KHDRBS2: variants seen among roughly 807,000 people sequenced by gnomAD.
KHDRBS2 encodes KH domain-containing, RNA-binding, signal transduction-associated protein 2.
KHDRBS2 carries 26 observed loss-of-function variants against 44.3 expected under a neutral mutation model. That is an observed-to-expected ratio of 0.59 (90% CI 0.43 to 0.81). KHDRBS2 has a LOEUF of 0.81. Among genes scored for constraint, KHDRBS2 ranks in the 40% least tolerant of loss-of-function variants. The probability of loss-of-function intolerance (pLI) is 0.00; values close to 1 mark genes in which losing one functional copy is unlikely to be tolerated. For missense variants in KHDRBS2, 476 were observed against 433.1 expected (o/e 1.10, Z -0.88); for synonymous variants, 194 against 151.1 (o/e 1.28, Z -2.08).
the KHDRBS2 span, among the ~76,000 whole-genome samples, chr6:61,551,691 C>T: frequency 6.6e-6 from 1 of 152,090 alleles, no homozygotes; most frequent in African/African-American, 2.4e-5. Context: ...AGCATTATTT[C>T]TGGACTCTCT....
At chr6:62,098,828 C>T (rs371619060) in intron 2 of KHDRBS2, among the ~76,000 whole-genome samples, 44 of 152,110 alleles carry the variant, frequency 2.9e-4, no homozygotes, top group African/African-American at 1.0e-3. Context: ...TTTCTTCATT[C>T]CTTTATATTA....
chr6:62,223,758 C>A (rs1203906298), intron 1 of KHDRBS2, among the ~76,000 whole-genome samples: 4 of 152,276 alleles, frequency 2.6e-5, no homozygotes, highest in South Asian at 4.1e-4. Flanking sequence ...GAAAATGCCA[C>A]CAGTCTCTTT....
chr6:62,093,303 A>G (rs1029538324), intron 2 of KHDRBS2, among the ~76,000 whole-genome samples: 3 of 151,912 alleles, frequency 2.0e-5, no homozygotes, highest in African/African-American at 7.2e-5. Context: ...AATAAAATTT[A>G]TAGTTTCAAC....
At chr6:61,723,574 C>CAA (rs575590921) in intron 7 of KHDRBS2, among the ~76,000 whole-genome samples, 3 of 150,494 alleles carry the variant, frequency 2.0e-5, no homozygotes, top group Non-Finnish European at 4.4e-5. Flanking sequence ...AACAAACAAA[C>CAA]AAAAAAACAA....
At chr6:61,858,327 A>G (rs983766529) in intron 6 of KHDRBS2, among the ~76,000 whole-genome samples, 5 of 151,846 alleles carry the variant, frequency 3.3e-5, no homozygotes, top group African/African-American at 1.2e-4. Flanking sequence ...TTGAAGAGAT[A>G]TAATACTAGA....
chr6:61,586,375 A>T, the KHDRBS2 span, among the ~76,000 whole-genome samples: 74 of 152,188 alleles, frequency 4.9e-4, no homozygotes, highest in Non-Finnish European at 8.7e-4. Context: ...TATGAAACAG[A>T]TTGATTTTTG....
chr6:62,227,055 G>GA (rs1831992286), intron 1 of KHDRBS2, among the ~76,000 whole-genome samples: 1 of 152,030 alleles, frequency 6.6e-6, no homozygotes, highest in African/African-American at 2.4e-5. Context: ...CTAATTCTGT[G>GA]AAAAATGCCA....
chr6:61,970,125 T>C (rs1346854106), intron 4 of KHDRBS2, among the ~76,000 whole-genome samples: 3 of 152,014 alleles, frequency 2.0e-5, no homozygotes, highest in Admixed American at 6.6e-5. Context: ...TTGTCTTCTC[T>C]CTATATATGT....
At chr6:61,872,101 G>T (rs1315776467) in intron 6 of KHDRBS2, among the ~76,000 whole-genome samples, 2 of 152,050 alleles carry the variant, frequency 1.3e-5, no homozygotes, top group Non-Finnish European at 2.9e-5. Flanking sequence ...ATAAAAAAAA[G>T]AAAGAAAATA....
intron 4 of KHDRBS2, among the ~76,000 whole-genome samples, chr6:61,928,352 C>A (rs1809364749): frequency 1.3e-5 from 2 of 152,048 alleles, no homozygotes; most frequent in African/African-American, 4.8e-5. Context: ...CTTATTCCTT[C>A]TTCTTATTTA....
intron 6 of KHDRBS2, among the ~76,000 whole-genome samples, chr6:61,799,166 C>T (rs1259208841): frequency 2.0e-5 from 3 of 151,726 alleles, no homozygotes; most frequent in Non-Finnish European, 4.4e-5. Context: ...AAACATTATG[C>T]TTTTTTAAAA....
At chr6:61,578,058 G>A in the KHDRBS2 span, among the ~76,000 whole-genome samples, 48 of 152,168 alleles carry the variant, frequency 3.2e-4, no homozygotes, top group East Asian at 9.1e-3. Flanking sequence ...ATGTCTTGAA[G>A]GTAGAAGACA....
intron 4 of KHDRBS2, among the ~76,000 whole-genome samples, chr6:61,975,680 C>CACACACACACAG (rs148696826): frequency 0.025 from 3,693 of 149,792 alleles, 68 homozygotes; most frequent in South Asian, 0.04. Context: ...CACACACACA[C>CACACACACACAG]AGAGAGATAT....
the KHDRBS2 span, among the ~76,000 whole-genome samples, chr6:61,635,910 C>A: frequency 6.6e-6 from 1 of 152,006 alleles, no homozygotes; most frequent in African/African-American, 2.4e-5. Flanking sequence ...AATCTGAGTA[C>A]ATCTCCCAAA....
the KHDRBS2 span, among the ~76,000 whole-genome samples, chr6:61,622,973 G>A: frequency 6.6e-6 from 1 of 152,088 alleles, no homozygotes; most frequent in Non-Finnish European, 1.5e-5. Flanking sequence ...CTGAAGCTGG[G>A]AGATCACAGT....
intron 4 of KHDRBS2, among the ~76,000 whole-genome samples, chr6:61,965,024 TAATCTTTG>T (rs1769592657): frequency 6.6e-6 from 1 of 152,138 alleles, no homozygotes; most frequent in Non-Finnish European, 1.5e-5. Context: ...CAGAATTTGT[TAATCTTTG>T]CACTTGGGTG....
chr6:61,925,494 T>C (rs968476669), intron 4 of KHDRBS2, among the ~76,000 whole-genome samples: 3 of 152,098 alleles, frequency 2.0e-5, no homozygotes, highest in Admixed American at 1.3e-4. Context: ...GGTGGGAGAA[T>C]TGCTTGAGCC....
intron 4 of KHDRBS2, among the ~76,000 whole-genome samples, chr6:61,942,756 T>C (rs542700857): frequency 2.0e-5 from 3 of 152,206 alleles, no homozygotes; most frequent in South Asian, 2.1e-4. Flanking sequence ...AAAGAGGTCC[T>C]CTCTACAGCA....
chr6:61,786,319 G>T (rs1240381834), intron 6 of KHDRBS2, among the ~76,000 whole-genome samples: 1 of 151,924 alleles, frequency 6.6e-6, no homozygotes, highest in Non-Finnish European at 1.5e-5. Flanking sequence ...TTATTTAAGT[G>T]AATCTCTTAT....
Sources: allele counts gnomAD v4.1 joint callset (sites outside exome capture counted in the v4.1 genomes callset), GRCh38; gene constraint gnomAD v4.1.1; transcripts MANE v1.5; gene names NCBI Gene and HGNC (gene_info 2026-07-23, HGNC 2026-07-21).